The following TMEM67 variants were observed in gnomAD, a reference collection of about 807,000 sequenced individuals.
TMEM67 encodes transmembrane protein 67.
Under a neutral mutation model 136.6 loss-of-function variants are expected in TMEM67, and 124 were observed. The ratio of observed to expected loss-of-function variants is 0.91; its 90% CI spans 0.78 to 1.05. The LOEUF is 1.05. Ranked by LOEUF, TMEM67 falls within the 50% of genes least tolerant of loss-of-function variation. The pLI is 0.00. For synonymous variants in TMEM67, 364 were observed against 390.5 expected (o/e 0.93, Z 0.80); for missense variants, 1,107 against 1,178.4 (o/e 0.94, Z 0.89).
the TMEM67 span, among the ~76,000 whole-genome samples, chr8:93,828,572 G>A: frequency 6.6e-6 from 1 of 151,884 alleles, no homozygotes; most frequent in Non-Finnish European, 1.5e-5. Context: ...AAACCCCATC[G>A]CTAATAAAAA....
downstream of TMEM67, among the ~76,000 whole-genome samples, chr8:93,821,455 A>T (rs1400168469): frequency 2.6e-5 from 4 of 151,936 alleles, no homozygotes; most frequent in Non-Finnish European, 4.4e-5. Flanking sequence ...ATAATTTTAA[A>T]TTTTTTTGTA....
intron 20 of TMEM67, 109 bp from the exon 21 acceptor site, chr8:93,799,509 A>G: frequency 4.8e-6 from 4 of 832,846 alleles, no homozygotes; most frequent in Non-Finnish European, 7.7e-6. Flanking sequence ...ATACAAACTT[A>G]GATATTTTAG....
intron 13 of TMEM67, among the ~76,000 whole-genome samples, chr8:93,787,347 G>GT (rs1814158364): frequency 6.6e-6 from 1 of 151,866 alleles, no homozygotes; most frequent in Non-Finnish European, 1.5e-5. Context: ...GGCTCAAACA[G>GT]TCTTCCCGCC....
downstream of TMEM67, among the ~76,000 whole-genome samples, chr8:93,821,152 C>T (rs1809035192): frequency 1.3e-5 from 2 of 152,172 alleles, no homozygotes; most frequent in South Asian, 2.1e-4. Flanking sequence ...GGAAAAAATG[C>T]ATACCTCTAT....
intron 7 of TMEM67, among the ~76,000 whole-genome samples, chr8:93,773,166 A>G (rs1019424179): frequency 6.6e-6 from 1 of 152,216 alleles, no homozygotes; most frequent in Admixed American, 6.5e-5. Flanking sequence ...CCATGTAAAC[A>G]TCAAGGAGAA....
downstream of TMEM67, chr8:93,819,343 A>G (rs1586107035): frequency 5.5e-6 from 2 of 364,756 alleles, no homozygotes; most frequent in Non-Finnish European, 1.0e-5. Flanking sequence ...TCACCGATAG[A>G]TGTAAAACAT....
At chr8:93,821,543 C>T (rs1266520419), downstream of TMEM67, among the ~76,000 whole-genome samples, 1 of 152,180 alleles carries the variant, frequency 6.6e-6, no homozygotes, top group Non-Finnish European at 1.5e-5. Context: ...CTCATTCTCC[C>T]AAAGCACTAG....
chr8:93,768,009 G>T (rs1321146475), intron 6 of TMEM67, among the ~76,000 whole-genome samples: 1 of 151,692 alleles, frequency 6.6e-6, no homozygotes, highest in African/African-American at 2.4e-5. Context: ...GGGATTACAG[G>T]CATGCACCAC....
At chr8:93,824,935 C>T in the TMEM67 span, among the ~76,000 whole-genome samples, 6 of 152,062 alleles carry the variant, frequency 3.9e-5, no homozygotes, top group Admixed American at 1.3e-4. Flanking sequence ...AGGCTGGTCT[C>T]GAACTCCTGG....
rs779709768 is a variant in TMEM67, at chr8:93,755,125, C to CA, written c.213dup (p.Asp72ArgfsTer18). 6.2e-7 allele frequency: 1 copy of CA among 1,613,996 alleles called. No individual in the cohort carries two copies. The highest frequency in any genetic ancestry group is 1.3e-5 in the African/African-American group (1 of 74,910). On this transcript the variant is annotated frameshift_variant, in exon 1 of 28. Coordinates refer to ENST00000453321, the MANE Select transcript of TMEM67 (RefSeq NM_153704.6). LOFTEE classifies it high-confidence loss of function. ...TGTTCCTTGTGGAGCTAACCAGAGGCAAGATGCCCGAGGTAAGACGGTTTG... is the reference window on the plus strand; with the variant it reads ...TGTTCCTTGTGGAGCTAACCAGAGGCAAAGATGCCCGAGGTAAGACGGTTTG...
intron 23 of TMEM67, 81 bp from the exon 24 acceptor site, chr8:93,808,758 TA>T (rs1202752644): frequency 7.2e-5 from 61 of 842,734 alleles, no homozygotes; most frequent in Non-Finnish European, 1.0e-4. Context: ...TGATAACAGC[TA>T]AAAAAAAGTT....
intron 4 of TMEM67, 64 bp from the exon 5 acceptor site, chr8:93,765,342 C>T (rs1813033011): frequency 2.3e-6 from 3 of 1,317,040 alleles, no homozygotes; most frequent in African/African-American, 2.9e-5. Context: ...AGAAAGACAG[C>T]TTTTCTATTA....
chr8:93,766,504 A>G (rs1813089595), intron 6 of TMEM67, among the ~76,000 whole-genome samples: 2 of 152,198 alleles, frequency 1.3e-5, no homozygotes, highest in Admixed American at 1.3e-4. Context: ...CTTCTAGGGT[A>G]TAAAATGGAA....
chr8:93,766,898 T>C (rs1342201175), intron 6 of TMEM67, among the ~76,000 whole-genome samples: 1 of 152,226 alleles, frequency 6.6e-6, no homozygotes, highest in East Asian at 1.9e-4. Context: ...TGTAACAAGA[T>C]ACATGTCTTC....
chr8:93,773,807 A>G (rs756308743), intron 7 of TMEM67, among the ~76,000 whole-genome samples: 1 of 152,162 alleles, frequency 6.6e-6, no homozygotes, highest in African/African-American at 2.4e-5. Flanking sequence ...TGTTCTTTCA[A>G]AAATAGTCTA....
intron 3 of TMEM67, among the ~76,000 whole-genome samples, chr8:93,763,308 G>T (rs1252110708): frequency 6.6e-6 from 1 of 152,108 alleles, no homozygotes; most frequent in African/African-American, 2.4e-5. Flanking sequence ...AAATATTCGT[G>T]TTGTTTCTAA....
At chr8:93,780,344 C>T (rs777355975) in intron 7 of TMEM67, among the ~76,000 whole-genome samples, 7 of 152,114 alleles carry the variant, frequency 4.6e-5, no homozygotes, top group Non-Finnish European at 8.8e-5. Flanking sequence ...TGATGCCCCA[C>T]CCTGCTTCAG....
chr8:93,804,829 A>T lies in TMEM67; in HGVS notation c.2390A>T (p.His797Leu). The change falls in exon 23 of 28, where the codon CAT becomes CTT. Residue 797 changes from histidine to leucine, a missense_variant. Coordinates refer to ENST00000453321, the MANE Select transcript of TMEM67 (RefSeq NM_153704.6). ...ATTCATGGTAGATCAGTACATGGGCATGCAGATACTAATATGGAAGAAATG... is the reference window on the plus strand; with the variant it reads ...ATTCATGGTAGATCAGTACATGGGCTTGCAGATACTAATATGGAAGAAATG... ...YYIHGRSVHG[H>L]ADTNMEEMNM... 8 of 1,608,026 alleles carry T rather than the reference A, an allele frequency of 5.0e-6. No homozygotes were observed. Among genetic ancestry groups the T allele is most frequent in the Non-Finnish European group, 6.0e-6 (7 of 1,174,726 alleles).
chr8:93,783,096 G>A (rs892661661), intron 11 of TMEM67, among the ~76,000 whole-genome samples: 5 of 151,766 alleles, frequency 3.3e-5, no homozygotes, highest in Non-Finnish European at 5.9e-5. Context: ...AGCAATTCTC[G>A]TGCCTCAACC....
Sources: allele counts gnomAD v4.1 joint callset (sites outside exome capture counted in the v4.1 genomes callset), GRCh38; gene constraint gnomAD v4.1.1; transcripts MANE v1.5; gene names NCBI Gene and HGNC (gene_info 2026-07-23, HGNC 2026-07-21).